AHI1: variants seen among roughly 807,000 people sequenced by gnomAD.
The protein encoded by AHI1 is Abelson helper integration site 1, also known as jouberin.
In AHI1, 123 loss-of-function variants were observed where a neutral mutation model predicts 149.3. The observed-to-expected ratio is 0.82, with a 90% CI of 0.71 to 0.96. The LOEUF is 0.96. Among genes scored for constraint, AHI1 ranks in the 40% least tolerant of loss-of-function variants. AHI1 has a pLI of 0.00. For missense variants in AHI1, 1,439 were observed against 1,422.7 expected, an observed-to-expected ratio of 1.01 and a Z score of -0.18; for synonymous variants, 475 against 459.8, an observed-to-expected ratio of 1.03 and a Z score of -0.42.
intron 24 of AHI1, among the ~76,000 whole-genome samples, chr6:135,348,613 C>T (rs1027867583): frequency 3.3e-5 from 5 of 152,068 alleles, no homozygotes; most frequent in African/African-American, 4.8e-5. Context: ...TGATTTTGTG[C>T]ACTGTTTAAC....
chr6:135,497,153 T>A (rs1215508237), intron 2 of AHI1, 35 bp downstream of exon 2: 2 of 152,272 alleles, frequency 1.3e-5, no homozygotes, highest in African/African-American at 4.8e-5. Context: ...CCTATTAATA[T>A]AATTTGGCTC....
chr6:135,448,550 C>A lies in AHI1; in HGVS notation c.1441-75G>T, dbSNP rs1787598434. 3.4e-6 allele frequency: 4 copies of A among 1,170,860 alleles called. No homozygotes were observed. The East Asian group carries it at 1.0e-4, about 30-fold the overall frequency. 72.5% of individuals were successfully genotyped at this position (1,170,860 alleles called of 1,614,324 possible). On this transcript the variant is annotated intron_variant, in intron 11 of 28. Transcript: ENST00000265602. ...ATCCAATAAAGCAATAGCATAAAGT[C>A]AGAAACATTTTTAAAAGATTAATAT... is the stretch of plus-strand genomic sequence containing the variant.
intron 24 of AHI1, among the ~76,000 whole-genome samples, chr6:135,349,908 C>T (rs1262845141): frequency 1.3e-5 from 2 of 152,194 alleles, no homozygotes; most frequent in Non-Finnish European, 2.9e-5. Context: ...TTGTCAAATG[C>T]TAAAACCCAG....
chr6:135,378,690 A>G (rs1776286501), intron 23 of AHI1, among the ~76,000 whole-genome samples: 1 of 152,234 alleles, frequency 6.6e-6, no homozygotes, highest in Non-Finnish European at 1.5e-5. Context: ...AGATTAACAT[A>G]GATTTAACAA....
At chr6:135,434,010 A>G (rs1785026623) in intron 15 of AHI1, among the ~76,000 whole-genome samples, 1 of 152,070 alleles carries the variant, frequency 6.6e-6, no homozygotes, top group Non-Finnish European at 1.5e-5. Context: ...CAATGTATAA[A>G]ACTAGGTGAA....
At position 135,466,370 on chromosome 6, in the gene AHI1, C is replaced by A; in HGVS notation, c.193G>T (p.Asp65Tyr). ...YMKETTSDDP[D>Y]TIRSNLPHIK... The stretch of plus-strand genomic sequence containing the variant: ...TGGGGAAGATTGCTTCTAATAGTGT[C>A]GGGCTAGGAAAAGAAGACATGATAA... The change falls in exon 7 of 29, where the codon GAC becomes TAC. Residue 65 changes from aspartate (D) to tyrosine (Y), a missense_variant. Transcript: ENST00000265602. The A allele has an allele frequency of 6.2e-7, 1 of 1,611,636 alleles. No homozygotes were observed. Among genetic ancestry groups the A allele is most frequent in the South Asian group, 1.1e-5 (1 of 90,436 alleles).
intron 6 of AHI1, among the ~76,000 whole-genome samples, chr6:135,466,728 A>G (rs1790829867): frequency 6.6e-6 from 1 of 152,236 alleles, no homozygotes; most frequent in African/African-American, 2.4e-5. Flanking sequence ...AATTGCTAAA[A>G]GAGCCATTGA....
At chr6:135,415,139 G>T (rs540780272) in intron 20 of AHI1, among the ~76,000 whole-genome samples, 4 of 152,048 alleles carry the variant, frequency 2.6e-5, no homozygotes, top group South Asian at 4.1e-4. Flanking sequence ...CAAAGAACAT[G>T]AACTCATCAT....
intron 22 of AHI1, among the ~76,000 whole-genome samples, chr6:135,403,208 G>T (rs1187655731): frequency 6.6e-6 from 1 of 152,096 alleles, no homozygotes; most frequent in Non-Finnish European, 1.5e-5. Flanking sequence ...TCATTCAGGG[G>T]TGATGAAAAA....
chr6:135,476,175 A>G (rs1230448857), intron 5 of AHI1, among the ~76,000 whole-genome samples: 1 of 152,152 alleles, frequency 6.6e-6, no homozygotes, highest in African/African-American at 2.4e-5. Flanking sequence ...AGTTCAAAAT[A>G]TGTTCTAATT....
At chr6:135,310,217 C>T (rs1785010792) in intron 26 of AHI1, among the ~76,000 whole-genome samples, 1 of 152,040 alleles carries the variant, frequency 6.6e-6, no homozygotes. Flanking sequence ...CAGATTCATT[C>T]CTGGTACAGG....
chr6:135,296,492 C>T (rs1218726564), intron 27 of AHI1, among the ~76,000 whole-genome samples: 1 of 152,170 alleles, frequency 6.6e-6, no homozygotes, highest in Non-Finnish European at 1.5e-5. Flanking sequence ...TCCAATCTCT[C>T]CCAGTTTCTT....
intron 24 of AHI1, among the ~76,000 whole-genome samples, chr6:135,326,415 TTTC>T (rs144258962): frequency 0.012 from 1,778 of 152,164 alleles, 38 homozygotes; most frequent in African/African-American, 0.041. Context: ...AGAAAATAAA[TTTC>T]TTCTTCTTCT....
At chr6:135,430,599 A>AT (rs1784513196) in intron 17 of AHI1, among the ~76,000 whole-genome samples, 1 of 152,072 alleles carries the variant, frequency 6.6e-6, no homozygotes, top group African/African-American at 2.4e-5. Context: ...TATAGAACAA[A>AT]TTCAAGTTTA....
intron 22 of AHI1, among the ~76,000 whole-genome samples, chr6:135,399,217 T>C (rs1332088395): frequency 1.3e-5 from 2 of 152,264 alleles, no homozygotes; most frequent in Admixed American, 6.5e-5. Context: ...TCCTACTGGC[T>C]ATTTCCCTGC....
At position 135,457,627 on chromosome 6, in the gene AHI1, C is replaced by T. The variant is rs368748793; in HGVS notation, c.1018G>A (p.Asp340Asn). The T allele has an allele frequency of 6.2e-7, 1 of 1,613,920 alleles. No homozygotes were observed. The highest frequency in any genetic ancestry group is 2.2e-5 in the East Asian group (1 of 44,860). Reference sequence around the variant, plus strand: ...TAAACTCCCAAGACAAGGTCATCATCAAGCAAACATTTGGGATAAACCGGG... The same window carrying T: ...TAAACTCCCAAGACAAGGTCATCATTAAGCAAACATTTGGGATAAACCGGG... ...DSPVYPKCLL[D>N]DDLVLGVYIH... The change falls in exon 9 of 29, where the codon GAT becomes AAT. Residue 340 changes from aspartate to asparagine, a missense_variant. Physicochemically the swap from Asp to Asn is conservative, Grantham distance 23. Transcript: ENST00000265602.
chr6:135,422,728 G>A (rs1307556136), intron 20 of AHI1, among the ~76,000 whole-genome samples: 2 of 151,332 alleles, frequency 1.3e-5, no homozygotes, highest in African/African-American at 2.4e-5. Context: ...GGCCTCAAGC[G>A]ATCCTCCTGC....
At chr6:135,312,564 A>G (rs1253853576) in intron 26 of AHI1, among the ~76,000 whole-genome samples, 1 of 152,160 alleles carries the variant, frequency 6.6e-6, no homozygotes, top group Non-Finnish European at 1.5e-5. Flanking sequence ...AACCAAACAA[A>G]GAAAACAAAA....
intron 26 of AHI1, chr6:135,302,748 T>A: frequency 7.8e-7 from 1 of 1,286,538 alleles, no homozygotes; most frequent in Non-Finnish European, 1.0e-6. Context: ...GTCATATAGG[T>A]AGTTACTCAT....
Sources: allele counts gnomAD v4.1 joint callset (sites outside exome capture counted in the v4.1 genomes callset), GRCh38; gene constraint gnomAD v4.1.1; transcripts MANE v1.5; gene names NCBI Gene and HGNC (gene_info 2026-07-23, HGNC 2026-07-21).